WDR86: variants seen among roughly 807,000 people sequenced by gnomAD.
WDR86 encodes WD repeat-containing protein 86.
In WDR86, 30 loss-of-function variants were observed where a neutral mutation model predicts 36.5. That is an observed-to-expected ratio of 0.82 (90% CI 0.61 to 1.11). WDR86 has a LOEUF of 1.11. Ranked by LOEUF, WDR86 falls within the 50% of genes most tolerant of loss-of-function variation. The pLI, the probability that WDR86 is intolerant of heterozygous loss-of-function variation, is 0.00. For missense variants in WDR86, 545 were observed against 561.2 expected (o/e 0.97, Z 0.29); for synonymous variants, 255 against 252.9 (o/e 1.01, Z -0.08).
intron 2 of WDR86, among the ~76,000 whole-genome samples, chr7:151,396,660 C>T (rs1799846204): frequency 7.0e-6 from 1 of 142,396 alleles, no homozygotes; most frequent in South Asian, 2.3e-4. Flanking sequence ...ACACGCTGGT[C>T]ACCCTGGGAA....
chr7:151,402,070 A>AAAAAAAAAAACACATATATAT, intron 1 of WDR86, among the ~76,000 whole-genome samples: 1 of 50,558 alleles, frequency 2.0e-5, no homozygotes, highest in Non-Finnish European at 3.3e-5. Flanking sequence ...AAAAAAAAAA[A>AAAAAAAAAAACACATATATAT]ATATATATAT....
rs748373598 is a variant in WDR86 at position 151,402,070 on chromosome 7, AATATAT to A, written c.164-1835_164-1830del. On this transcript the variant is annotated intron_variant, in intron 1 of 5. Transcript: ENST00000334493. ...CTCAAAAAAAAAAAAAAAAAAAAAA[AATATAT>A]ATATATATATATATATCTCCACAAA... Among the ~76,000 whole-genome samples the A allele has an allele frequency of 2.1e-3, 105 of 50,500 alleles. 2 individuals carry two copies. The highest frequency in any genetic ancestry group is 5.1e-3 in the African/African-American group (43 of 8,482). The allele number at this position is 50,500 out of a possible 152,430, so 33.1% of individuals were successfully genotyped here.
upstream of WDR86, chr7:151,410,688 T>A (rs1283421800): frequency 6.6e-6 from 1 of 152,416 alleles, no homozygotes; most frequent in Non-Finnish European, 1.5e-5. Context: ...CTGGTTTCCA[T>A]TAGGGCAGTT....
rs796836511 is a variant in WDR86, at chr7:151,387,028, AC to A, written c.727-1806del. On this transcript the variant is annotated intron_variant, in intron 3 of 5. Coordinates refer to ENST00000334493, the MANE Select transcript of WDR86 (RefSeq NM_198285.3). The stretch of plus-strand genomic sequence containing the variant: ...TGTCCCGGAGGCTGGGCTGACCACC[AC>A]CAGCGCAGCGTTTCCTGGCCATCTC... Among the ~76,000 whole-genome samples, 72 of 152,274 alleles carry A rather than the reference AC, an allele frequency of 4.7e-4. 2 individuals are homozygous for A. The highest frequency in any genetic ancestry group is 1.7e-3 in the African/African-American group (70 of 41,554).
At chr7:151,389,440 G>A (rs892838370) in intron 3 of WDR86, among the ~76,000 whole-genome samples, 3 of 152,160 alleles carry the variant, frequency 2.0e-5, no homozygotes, top group African/African-American at 4.8e-5. Flanking sequence ...CACCATCGCC[G>A]GGCGGCTCAC....
In WDR86 at chr7:151,390,178, G is replaced by C. The variant is rs770319899; in HGVS notation, c.727-4955C>G. ...GGGAGACGGAGCACTCGCAGGGCCAGGGCTGCGGAGCAGGGGAGGAGCTGG... is the reference window on the plus strand; with the variant it reads ...GGGAGACGGAGCACTCGCAGGGCCACGGCTGCGGAGCAGGGGAGGAGCTGG... On this transcript the variant is annotated intron_variant, in intron 3 of 5. Transcript: ENST00000334493. This position sits in a 1 kb window ranked among gnomAD's most constrained non-coding sequence, Gnocchi z 4.5. Among the ~76,000 whole-genome samples, 154 of 152,208 alleles carry C rather than the reference G, an allele frequency of 1.0e-3. 2 individuals are homozygous for C. Among genetic ancestry groups the C allele is most frequent in the Non-Finnish European group, 3.4e-4 (23 of 68,020 alleles).
chr7:151,409,524 G>A lies in WDR86; in HGVS notation c.66C>T (p.Ser22=). 1 of 1,529,198 alleles carries A rather than the reference G, an allele frequency of 6.5e-7. No homozygotes were observed. Among genetic ancestry groups the A allele is most frequent in the South Asian group, 1.2e-5 (1 of 83,482 alleles). The allele number at this position is 1,529,198 out of a possible 1,614,324, so 94.7% of individuals were successfully genotyped here. The change falls in exon 1 of 6, where the codon AGC becomes AGT. Residue 22 remains serine (S), a synonymous_variant. Coordinates refer to ENST00000334493, the MANE Select transcript of WDR86 (RefSeq NM_198285.3). This position sits in a 1 kb window ranked among gnomAD's most constrained non-coding sequence, Gnocchi z 5.2. The part of the protein sequence containing the change: ...ADHRGGINWL[S]LSPDGQRLLT... The stretch of plus-strand genomic sequence containing the variant: ...GCAGGCGCTGCCCGTCGGGGCTCAG[G>A]CTCAGCCAGTTGATGCCCCCGCGGT...
chr7:151,410,176 G>T, upstream of WDR86: 1 of 776,178 alleles, frequency 1.3e-6, no homozygotes, highest in Non-Finnish European at 1.6e-6. Flanking sequence ...CTCCACGTGC[G>T]ACCCTCCTAG....
Position 151,389,534 on chromosome 7 carries a change from C to G in WDR86, c.727-4311G>C, listed in dbSNP as rs138310440. 9.6e-3 allele frequency among the ~76,000 whole-genome samples: 1,461 copies of G among 152,304 alleles called. 23 individuals are homozygous for G. Among genetic ancestry groups the G allele is most frequent in the African/African-American group, 0.034 (1,399 of 41,572 alleles). On this transcript the variant is annotated intron_variant, in intron 3 of 5. Coordinates refer to ENST00000334493, the MANE Select transcript of WDR86 (RefSeq NM_198285.3). Reference sequence around the variant, plus strand: ...CCTTGGCTCTTGACTTGCAAGCACACACGCTTCTTCGGCAAAACGATTTCA... The same window carrying G: ...CCTTGGCTCTTGACTTGCAAGCACAGACGCTTCTTCGGCAAAACGATTTCA...
At chr7:151,371,846 T>C (rs1251071448), downstream of WDR86, among the ~76,000 whole-genome samples, 2 of 152,126 alleles carry the variant, frequency 1.3e-5, no homozygotes, top group Non-Finnish European at 2.9e-5. Context: ...CGGGCTCCAA[T>C]GATCCTCCTG....
At chr7:151,375,920 C>A in exon 2 of WDR86, 1 of 1,612,178 alleles carries the variant, frequency 6.2e-7, no homozygotes, top group South Asian at 1.1e-5. Context: ...TCAAGAAAGT[C>A]CTTCCCAGGA....
chr7:151,395,731 A>G (rs373579976), intron 3 of WDR86, 45 bp downstream of exon 3: 1 of 1,509,062 alleles, frequency 6.6e-7, no homozygotes, highest in Non-Finnish European at 8.9e-7. Context: ...GCAGGGGGTG[A>G]CCTGGGCTCC....
chr7:151,383,180 G>C (rs1010035116), intron 4 of WDR86, among the ~76,000 whole-genome samples: 8 of 134,528 alleles, frequency 5.9e-5, no homozygotes, highest in Admixed American at 2.8e-4. Context: ...CGGCGGGGTG[G>C]GGGGGGGGAG....
rs1225542989 is a variant in WDR86 at position 151,390,446 on chromosome 7, G to A, written c.727-5223C>T. ...ACGCTGTGGGCAGAGGGGATGGTAC[G>A]GCGCCCACCTCCCATCCCTTTCCCT... On this transcript the variant is annotated intron_variant, in intron 3 of 5. Transcript: ENST00000334493. The surrounding 1 kb of genome is among the most constrained non-coding windows in gnomAD (Gnocchi z 4.5). 2.0e-5 allele frequency among the ~76,000 whole-genome samples: 3 copies of A among 151,604 alleles called. No individual in the cohort carries two copies. Among genetic ancestry groups the A allele is most frequent in the African/African-American group, 4.9e-5 (2 of 41,198 alleles).
At position 151,396,147 on chromosome 7, in the gene WDR86, C is replaced by T. The variant is rs2150814061; in HGVS notation, c.355G>A (p.Ala119Thr). ...CCCTTGTCCACACTCCAGACCCGAGCTGTCCGGTCATAGGAGCTGCTGAAG... is the reference window on the plus strand; with the variant it reads ...CCCTTGTCCACACTCCAGACCCGAGTTGTCCGGTCATAGGAGCTGCTGAAG... Reference protein sequence around the residue: ...QLFSSSYDRTARVWSVDKGQM... With the variant: ...QLFSSSYDRTTRVWSVDKGQM... The change falls in exon 3 of 6, where the codon GCT becomes ACT. Residue 119 changes from alanine to threonine, a missense_variant. Coordinates refer to ENST00000334493, the MANE Select transcript of WDR86 (RefSeq NM_198285.3). The T allele has an allele frequency of 6.2e-7, 1 of 1,612,976 alleles. No homozygotes were observed. The highest frequency in any genetic ancestry group is 2.2e-5 in the East Asian group (1 of 44,874).
chr7:151,395,249 C>T (rs1799726097), intron 3 of WDR86, among the ~76,000 whole-genome samples: 1 of 152,260 alleles, frequency 6.6e-6, no homozygotes, highest in South Asian at 2.1e-4. Context: ...ACAGTCAACA[C>T]CCGCTCCAGG....
rs1326850500 is a variant in WDR86, at chr7:151,388,512, T to A, written c.727-3289A>T. Among the ~76,000 whole-genome samples the A allele has an allele frequency of 6.6e-6, 1 of 152,102 alleles. No individual in the cohort carries two copies. Among genetic ancestry groups the A allele is most frequent in the East Asian group, 1.9e-4 (1 of 5,170 alleles). On this transcript the variant is annotated intron_variant, in intron 3 of 5. Transcript: ENST00000334493. The surrounding 1 kb of genome is among the most constrained non-coding windows in gnomAD (Gnocchi z 4.2). Reference sequence around the variant, plus strand: ...GGCTTTTTGACCTTGGGTTTGTCGCTTAGAAGCAGGTCCTCACACCATCTC... The same window carrying A: ...GGCTTTTTGACCTTGGGTTTGTCGCATAGAAGCAGGTCCTCACACCATCTC...
rs1279736211 is a variant in WDR86, at chr7:151,381,444, G to A, written c.*138C>T. On this transcript the variant is annotated 3_prime_UTR_variant, in exon 6 of 6. Transcript: ENST00000334493. This position sits in a 1 kb window ranked among gnomAD's most constrained non-coding sequence, Gnocchi z 4.8. ...CACCAAAGAAAAACCAGACGCCTGC[G>A]ACGGGCTCTCCTCCCGCCCGGGCTT... is the stretch of plus-strand genomic sequence containing the variant. 2.0e-6 allele frequency: 3 copies of A among 1,492,056 alleles called. No homozygotes were observed. The highest frequency in any genetic ancestry group is 2.7e-6 in the Non-Finnish European group (3 of 1,128,672). 92.4% of individuals were successfully genotyped at this position (1,492,056 alleles called of 1,614,324 possible). A position where few individuals can be genotyped will look rare whatever the true frequency, so the allele number is the denominator to read the frequency against.
rs1801012902 is a variant in WDR86, at chr7:151,409,362, G to C, written c.163+65C>G. 1 of 1,540,178 alleles carries C rather than the reference G, an allele frequency of 6.5e-7. No individual in the cohort carries two copies. The highest frequency in any genetic ancestry group is 2.0e-5 in the Admixed American group (1 of 50,710). ...AAAGGGGTCTGCGGGCGCAGGAGCT[G>C]GGGTCCGCGGTCTGGGGCCGGTGAG... is the stretch of plus-strand genomic sequence containing the variant. On this transcript the variant is annotated intron_variant, in intron 1 of 5. Transcript: ENST00000334493. The surrounding 1 kb of genome is among the most constrained non-coding windows in gnomAD (Gnocchi z 5.2).
Sources: allele counts gnomAD v4.1 joint callset (sites outside exome capture counted in the v4.1 genomes callset), GRCh38; gene constraint gnomAD v4.1.1; non-coding constraint Gnocchi (gnomAD v3.1); transcripts MANE v1.5; gene names NCBI Gene and HGNC (gene_info 2026-07-23, HGNC 2026-07-21).